Variants in GABRA2 observed in about 807,000 individuals in gnomAD.
GABRA2 encodes gamma-aminobutyric acid type A receptor subunit alpha2.
In GABRA2, 16 loss-of-function variants were observed where a neutral mutation model predicts 48.7. That is an observed-to-expected ratio of 0.33 (90% confidence interval 0.22 to 0.50). GABRA2 has a LOEUF of 0.50. GABRA2 is among the 20% of genes least tolerant of loss of function. The pLI is 0.98. For missense variants in GABRA2, 275 were observed against 535.6 expected, an observed-to-expected ratio of 0.51 and a Z score of 4.80; for synonymous variants, 185 against 184.5, an observed-to-expected ratio of 1.00 and a Z score of -0.02.
At chr4:46,277,992 T>A (rs1156720817) in intron 8 of GABRA2, among the ~76,000 whole-genome samples, 1 of 152,202 alleles carries the variant, frequency 6.6e-6, no homozygotes, top group Admixed American at 6.5e-5. Context: ...GCTAGACAGT[T>A]TTCATGTCTC....
chr4:46,243,993 C>T lies in GABRA2; in HGVS notation c.*6315G>A, dbSNP rs1297770684. 2.0e-5 allele frequency: 3 copies of T among 151,494 alleles called. No individual in the cohort carries two copies. Among genetic ancestry groups the T allele is most frequent in the Non-Finnish European group, 4.4e-5 (3 of 67,624 alleles). 9.4% of individuals were successfully genotyped at this position (151,494 alleles called of 1,614,324 possible). A position where few individuals can be genotyped will look rare whatever the true frequency, so the allele number is the denominator to read the frequency against. ...AAAGGTGATGTTCCTTAGTTTGAAGCACATCAAAACCTGAATTTGTATCTG... is the reference window on the plus strand; with the variant it reads ...AAAGGTGATGTTCCTTAGTTTGAAGTACATCAAAACCTGAATTTGTATCTG... On this transcript the variant is annotated 3_prime_UTR_variant, in exon 10 of 10. Transcript: ENST00000381620.
intron 8 of GABRA2, among the ~76,000 whole-genome samples, chr4:46,285,505 C>T (rs1479610320): frequency 2.6e-5 from 4 of 152,082 alleles, no homozygotes; most frequent in South Asian, 2.1e-4. Flanking sequence ...TGACTCCCTC[C>T]GAAATATACA....
chr4:46,319,478 T>C (rs1363552330), intron 4 of GABRA2, among the ~76,000 whole-genome samples: 6 of 151,818 alleles, frequency 4.0e-5, no homozygotes, highest in Non-Finnish European at 7.4e-5. Flanking sequence ...ACTCTTGGAA[T>C]ACACAAGAAT....
At chr4:46,284,096 C>T (rs1034171994) in intron 8 of GABRA2, among the ~76,000 whole-genome samples, 2 of 141,246 alleles carry the variant, frequency 1.4e-5, no homozygotes, top group African/African-American at 5.2e-5. Flanking sequence ...AAAAAAAAAA[C>T]TCTGTTATAT....
intron 4 of GABRA2, among the ~76,000 whole-genome samples, chr4:46,316,779 A>T (rs114445917): frequency 2.6e-5 from 4 of 151,930 alleles, no homozygotes; most frequent in African/African-American, 9.7e-5. Flanking sequence ...TCTATAAATT[A>T]TCTGTTCACT....
At chr4:46,345,807 T>C (rs1006029552) in intron 3 of GABRA2, among the ~76,000 whole-genome samples, 13 of 151,874 alleles carry the variant, frequency 8.6e-5, no homozygotes, top group African/African-American at 2.9e-4. Context: ...AAAATGACAA[T>C]AGTTACAGAC....
intron 8 of GABRA2, among the ~76,000 whole-genome samples, chr4:46,293,560 T>C (rs1724074850): frequency 6.6e-6 from 1 of 152,136 alleles, no homozygotes; most frequent in African/African-American, 2.4e-5. Flanking sequence ...CTACAGTTGG[T>C]CCAGTCAGGC....
At position 46,327,528 on chromosome 4, in the gene GABRA2, G is replaced by A. The variant is rs187723401; in HGVS notation, c.255+5087C>T. Among the ~76,000 whole-genome samples, 561 of 151,986 alleles carry A rather than the reference G, an allele frequency of 3.7e-3. 3 individuals carry two copies. Among genetic ancestry groups the A allele is most frequent in the African/African-American group, 0.013 (542 of 41,514 alleles). ...ATCATTAATTTACTTTTGATACAAA[G>A]GGTTTGCCATGTTTGTCACAGGTTT... On this transcript the variant is annotated intron_variant, in intron 4 of 9. Coordinates refer to ENST00000381620, the MANE Select transcript of GABRA2 (RefSeq NM_000807.4).
intron 8 of GABRA2, among the ~76,000 whole-genome samples, chr4:46,276,544 T>C (rs1320532749): frequency 1.3e-5 from 2 of 149,932 alleles, no homozygotes; most frequent in Admixed American, 6.7e-5. Context: ...TTAGTAATTC[T>C]GACTCTCAAA....
chr4:46,307,951 T>C (rs1241680726), intron 6 of GABRA2, among the ~76,000 whole-genome samples: 1 of 152,154 alleles, frequency 6.6e-6, no homozygotes, highest in Non-Finnish European at 1.5e-5. Flanking sequence ...TGTTTCTCAA[T>C]AAAGTATCAA....
At chr4:46,252,265 T>C (rs988511339) in intron 9 of GABRA2, among the ~76,000 whole-genome samples, 1 of 151,526 alleles carries the variant, frequency 6.6e-6, no homozygotes, top group Non-Finnish European at 1.5e-5. Flanking sequence ...TCACCATTTG[T>C]AACTTTGTAA....
Position 46,370,364 on chromosome 4 carries a change from GA to G in GABRA2, c.187+15709del, listed in dbSNP as rs201855387. On this transcript the variant is annotated intron_variant, in intron 3 of 9. Transcript: ENST00000381620. ...AGAGAGAAGATAAAGAGAAACCAAA[GA>G]AAAAAAACTGATAAAGAACAGTAGA... 4.6e-5 allele frequency among the ~76,000 whole-genome samples: 7 copies of G among 151,410 alleles called. No individual in the cohort carries two copies. In the East Asian group the frequency reaches 1.2e-3, roughly 25 times the overall value.
At chr4:46,289,056 C>A (rs754328510) in intron 8 of GABRA2, among the ~76,000 whole-genome samples, 2 of 151,636 alleles carry the variant, frequency 1.3e-5, no homozygotes, top group African/African-American at 2.4e-5. Context: ...CAAAAAAAAA[C>A]AGATGCTGGC....
At chr4:46,259,383 T>A (rs1716498599) in intron 9 of GABRA2, among the ~76,000 whole-genome samples, 1 of 151,834 alleles carries the variant, frequency 6.6e-6, no homozygotes, top group African/African-American at 2.4e-5. Context: ...AGGCTAAAAG[T>A]AGTGTAAAAT....
At position 46,247,250 on chromosome 4, in the gene GABRA2, T is replaced by C. The variant is rs891176647; in HGVS notation, c.*3058A>G. Among the ~76,000 whole-genome samples the C allele has an allele frequency of 2.0e-5, 3 of 151,126 alleles. No homozygotes were observed. The highest frequency in any genetic ancestry group is 7.3e-5 in the African/African-American group (3 of 41,328). ...TGGTTATATTTCTTCCATTTTATAA[T>C]CAAACACATGGGAACATGAACAGGA... is the stretch of plus-strand genomic sequence containing the variant. On this transcript the variant is annotated 3_prime_UTR_variant, in exon 10 of 10. Transcript: ENST00000381620.
chr4:46,362,747 C>CA (rs1259084603), intron 3 of GABRA2, among the ~76,000 whole-genome samples: 3 of 152,130 alleles, frequency 2.0e-5, no homozygotes, highest in Non-Finnish European at 1.5e-5. Flanking sequence ...GGTTGCTGGT[C>CA]ATTAAGAAAG....
chr4:46,278,192 T>C (rs1325410264), intron 8 of GABRA2, among the ~76,000 whole-genome samples: 1 of 152,266 alleles, frequency 6.6e-6, no homozygotes, highest in East Asian at 1.9e-4. Context: ...ATCCATAGTA[T>C]ATTCTACAGT....
chr4:46,275,550 A>G, intron 8 of GABRA2, among the ~76,000 whole-genome samples: 1 of 152,170 alleles, frequency 6.6e-6, no homozygotes, highest in East Asian at 1.9e-4. Flanking sequence ...AAGAACCACT[A>G]TTATATTCCA....
At chr4:46,361,060 A>T (rs1378428369) in intron 3 of GABRA2, among the ~76,000 whole-genome samples, 2 of 152,224 alleles carry the variant, frequency 1.3e-5, no homozygotes, top group African/African-American at 2.4e-5. Context: ...AAAAGTTTTT[A>T]AAAAATTGCA....
Sources: gnomAD v4.1 joint callset for allele counts (sites outside exome capture counted in the v4.1 genomes callset) on GRCh38, gnomAD v4.1.1 for gene constraint, MANE v1.5 for transcripts, NCBI Gene and HGNC (gene_info 2026-07-23, HGNC 2026-07-21) for gene names.